Variants in ARID2 observed in about 807,000 individuals in gnomAD.
ARID2 encodes AT-rich interaction domain 2.
ARID2 carries 32 observed loss-of-function variants against 184.6 expected under a neutral mutation model. The ratio of observed to expected loss-of-function variants is 0.17; its 90% confidence interval spans 0.13 to 0.23. The LOEUF is 0.23. Among genes scored for constraint, ARID2 ranks in the 10% least tolerant of loss-of-function variants. ARID2 has a pLI of 1.00. For missense variants in ARID2, 1,696 were observed against 2,197.6 expected (o/e 0.77, Z 4.56); for synonymous variants, 836 against 772.6 (o/e 1.08, Z -1.36).
intron 16 of ARID2, among the ~76,000 whole-genome samples, chr12:45,868,635 T>C (rs1031664941): frequency 1.3e-5 from 2 of 152,238 alleles, no homozygotes; most frequent in African/African-American, 4.8e-5. Flanking sequence ...ACTTTTTGAT[T>C]AATTTGTAAT....
intron 3 of ARID2, among the ~76,000 whole-genome samples, chr12:45,785,299 T>C (rs891937428): frequency 6.6e-6 from 1 of 152,352 alleles, no homozygotes; most frequent in East Asian, 1.9e-4. Flanking sequence ...TTCTACTTAC[T>C]AAAAGGTTTT....
At chr12:45,804,487 T>TTC (rs1255894363) in intron 3 of ARID2, among the ~76,000 whole-genome samples, 2 of 151,760 alleles carry the variant, frequency 1.3e-5, no homozygotes, top group Admixed American at 6.6e-5. Context: ...TGCGTGTGTG[T>TTC]GCGTGTGTGT....
chr12:45,885,386 T>G (rs1944169089), intron 16 of ARID2, among the ~76,000 whole-genome samples: 1 of 152,136 alleles, frequency 6.6e-6, no homozygotes, highest in Non-Finnish European at 1.5e-5. Flanking sequence ...TATTAACATT[T>G]ATGTGCCATC....
intron 15 of ARID2, among the ~76,000 whole-genome samples, chr12:45,853,707 C>G (rs561263154): frequency 6.6e-6 from 1 of 152,328 alleles, no homozygotes; most frequent in African/African-American, 2.4e-5. Context: ...CTTCCTAATT[C>G]CTACATAGCC....
intron 16 of ARID2, among the ~76,000 whole-genome samples, chr12:45,866,718 G>A (rs904029788): frequency 8.6e-5 from 13 of 152,008 alleles, no homozygotes; most frequent in Non-Finnish European, 1.8e-4. Context: ...AGCAATTTTA[G>A]GTTTACAACA....
At chr12:45,742,141 G>C (rs1341462602) in intron 3 of ARID2, among the ~76,000 whole-genome samples, 1 of 152,178 alleles carries the variant, frequency 6.6e-6, no homozygotes, top group Non-Finnish European at 1.5e-5. Context: ...TTTGTTTGAA[G>C]TTCTTTTTGT....
chr12:45,787,952 A>G (rs1942226528), intron 3 of ARID2, among the ~76,000 whole-genome samples: 1 of 152,210 alleles, frequency 6.6e-6, no homozygotes, highest in South Asian at 2.1e-4. Flanking sequence ...CATAGGGCAC[A>G]TTAAGCATTC....
chr12:45,877,262 G>C (rs1283856739), intron 16 of ARID2, among the ~76,000 whole-genome samples: 1 of 152,106 alleles, frequency 6.6e-6, no homozygotes, highest in Admixed American at 6.5e-5. Context: ...TGTATTTACA[G>C]CCGCTCCCTA....
intron 5 of ARID2, 46 bp downstream of exon 5, chr12:45,817,934 T>G: frequency 6.7e-7 from 1 of 1,481,622 alleles, no homozygotes. Context: ...TGTAAAAGTT[T>G]TTTTTTTAAG....
chr12:45,819,245 A>G (rs555574608), intron 5 of ARID2, among the ~76,000 whole-genome samples: 1 of 152,286 alleles, frequency 6.6e-6, no homozygotes, highest in East Asian at 1.9e-4. Context: ...GTGCTCTAAG[A>G]CAAGACCTTG....
intron 4 of ARID2, among the ~76,000 whole-genome samples, chr12:45,814,672 T>C (rs990133546): frequency 4.6e-5 from 7 of 152,092 alleles, no homozygotes; most frequent in Non-Finnish European, 1.0e-4. Flanking sequence ...ACTTCCCTCC[T>C]CATTCCAGTT....
intron 11 of ARID2, chr12:45,840,779 T>G (rs557135355): frequency 6.6e-6 from 1 of 152,188 alleles, no homozygotes; most frequent in Non-Finnish European, 1.5e-5. Flanking sequence ...AGTATGAAAA[T>G]TATGTACTCT....
intron 5 of ARID2, among the ~76,000 whole-genome samples, chr12:45,818,454 T>A (rs781325989): frequency 6.6e-5 from 10 of 152,152 alleles, no homozygotes; most frequent in Non-Finnish European, 1.2e-4. Context: ...TAATAAAGAT[T>A]TAGAAATAAT....
chr12:45,792,458 A>G (rs1942310271), intron 3 of ARID2, among the ~76,000 whole-genome samples: 1 of 152,170 alleles, frequency 6.6e-6, no homozygotes, highest in Non-Finnish European at 1.5e-5. Flanking sequence ...AAATTTTTAA[A>G]TATATTCTAT....
chr12:45,848,395 T>G (rs1052914299), intron 12 of ARID2, among the ~76,000 whole-genome samples: 15 of 152,082 alleles, frequency 9.9e-5, no homozygotes, highest in African/African-American at 3.6e-4. Flanking sequence ...CTGAAGGAAT[T>G]TGATCCAAGA....
chr12:45,886,385 C>T (rs4768667), intron 16 of ARID2, among the ~76,000 whole-genome samples: 37,239 of 152,228 alleles, frequency 0.24, 5,152 homozygotes, highest in East Asian at 0.31. Context: ...GTGCCCCCCC[C>T]GGTCAGCTGC....
intron 4 of ARID2, among the ~76,000 whole-genome samples, chr12:45,816,457 CTCTT>C (rs1312926776): frequency 6.6e-6 from 1 of 152,162 alleles, no homozygotes; most frequent in Non-Finnish European, 1.5e-5. Context: ...GCAATAGGAA[CTCTT>C]TATATTGCTG....
intron 16 of ARID2, among the ~76,000 whole-genome samples, chr12:45,870,344 T>C (rs529612688): frequency 6.6e-6 from 1 of 152,278 alleles, no homozygotes; most frequent in South Asian, 2.1e-4. Context: ...GCAGACAGAA[T>C]AGAGTTCCCA....
At chr12:45,802,031 A>T (rs1228695807) in intron 3 of ARID2, among the ~76,000 whole-genome samples, 1 of 152,052 alleles carries the variant, frequency 6.6e-6, no homozygotes, top group Non-Finnish European at 1.5e-5. Context: ...GGCTCAGTGT[A>T]GATATAAGAG....
Sources: gnomAD v4.1 joint callset for allele counts (sites outside exome capture counted in the v4.1 genomes callset) on GRCh38, gnomAD v4.1.1 for gene constraint, MANE v1.5 for transcripts, NCBI Gene and HGNC (gene_info 2026-07-23, HGNC 2026-07-21) for gene names.